FHIT: variants seen among roughly 807,000 people sequenced by gnomAD.
FHIT encodes bis(5'-adenosyl)-triphosphatase.
A neutral mutation model predicts 17.9 loss-of-function variants in FHIT; 19 were observed. That is an observed-to-expected ratio of 1.06 (90% CI 0.74 to 1.56). The LOEUF (loss-of-function observed/expected upper bound fraction) is 1.56, where lower values mean the gene tolerates loss of function less well. Among genes scored for constraint, FHIT ranks in the 40% most tolerant of loss-of-function variants. FHIT has a pLI of 0.00. For missense variants in FHIT, 248 were observed against 189.2 expected, an observed-to-expected ratio of 1.31 and a Z score of -1.82; for synonymous variants, 81 against 69.7, an observed-to-expected ratio of 1.16 and a Z score of -0.81.
At chr3:59,862,352 T>G (rs980629876) in intron 8 of FHIT, among the ~76,000 whole-genome samples, 1 of 152,010 alleles carries the variant, frequency 6.6e-6, no homozygotes, top group Admixed American at 6.6e-5. Flanking sequence ...TCCCACCAGG[T>G]CCCTCCCACG....
At chr3:60,103,112 G>C (rs966760326) in intron 5 of FHIT, among the ~76,000 whole-genome samples, 3 of 152,106 alleles carry the variant, frequency 2.0e-5, no homozygotes, top group African/African-American at 7.2e-5. Flanking sequence ...CAGCTCCTTG[G>C]TCTTTGCACG....
chr3:59,882,984 G>A (rs1228119301), intron 8 of FHIT, among the ~76,000 whole-genome samples: 1 of 152,086 alleles, frequency 6.6e-6, no homozygotes, highest in Admixed American at 6.5e-5. Flanking sequence ...TCCTTACTAG[G>A]TCAGCAAACC....
At chr3:61,036,035 T>C (rs1448265087) in intron 3 of FHIT, among the ~76,000 whole-genome samples, 1 of 152,228 alleles carries the variant, frequency 6.6e-6, no homozygotes, top group Non-Finnish European at 1.5e-5. Flanking sequence ...TATGAAGAAC[T>C]ACCTGAGACT....
chr3:59,761,672 T>A (rs534175426), intron 8 of FHIT, among the ~76,000 whole-genome samples: 1 of 152,090 alleles, frequency 6.6e-6, no homozygotes, highest in South Asian at 2.1e-4. Context: ...AGTGGCATGA[T>A]CTCGGCTCAC....
chr3:60,183,478 T>C (rs1702031103), intron 5 of FHIT, among the ~76,000 whole-genome samples: 1 of 152,128 alleles, frequency 6.6e-6, no homozygotes, highest in African/African-American at 2.4e-5. Context: ...TTTTGTTCAA[T>C]TTGAAGTCAA....
intron 5 of FHIT, among the ~76,000 whole-genome samples, chr3:60,353,131 C>T (rs1165173982): frequency 6.6e-6 from 1 of 152,086 alleles, no homozygotes; most frequent in Non-Finnish European, 1.5e-5. Context: ...TATTATTTTA[C>T]CAACTTCAAC....
chr3:59,889,111 C>T (rs951048944), intron 8 of FHIT, among the ~76,000 whole-genome samples: 47 of 152,178 alleles, frequency 3.1e-4, no homozygotes, highest in African/African-American at 1.1e-3. Context: ...ACTTTGGAAA[C>T]ACATTCAAAC....
chr3:60,084,234 A>T (rs889288608), intron 5 of FHIT, among the ~76,000 whole-genome samples: 1 of 152,174 alleles, frequency 6.6e-6, no homozygotes, highest in African/African-American at 2.4e-5. Context: ...ATTCTTTTGT[A>T]GTCTTTGAAT....
chr3:60,984,072 A>G (rs1240848043), intron 3 of FHIT, among the ~76,000 whole-genome samples: 1 of 152,214 alleles, frequency 6.6e-6, no homozygotes, highest in Non-Finnish European at 1.5e-5. Flanking sequence ...TAGCCCAGAA[A>G]TCAGCGTCTG....
intron 2 of FHIT, among the ~76,000 whole-genome samples, chr3:61,048,815 G>A (rs1353499733): frequency 6.6e-6 from 1 of 152,132 alleles, no homozygotes; most frequent in Non-Finnish European, 1.5e-5. Context: ...ATGAGTTCAT[G>A]TCCTTTGTAG....
intron 8 of FHIT, among the ~76,000 whole-genome samples, chr3:59,894,571 C>G (rs1292074743): frequency 6.7e-6 from 1 of 149,962 alleles, no homozygotes; most frequent in African/African-American, 2.5e-5. Context: ...TGGGACAAGT[C>G]AAATCTACAC....
chr3:60,301,864 C>T (rs1257551408), intron 5 of FHIT, among the ~76,000 whole-genome samples: 1 of 152,100 alleles, frequency 6.6e-6, no homozygotes, highest in African/African-American at 2.4e-5. Context: ...AATAAAAATG[C>T]ACTCATACAT....
chr3:61,024,125 C>G (rs1160176700), intron 3 of FHIT, among the ~76,000 whole-genome samples: 1 of 151,914 alleles, frequency 6.6e-6, no homozygotes, highest in African/African-American at 2.4e-5. Flanking sequence ...AGAGCTTCTG[C>G]TACTCATGAG....
chr3:60,380,899 T>C (rs970798457), intron 5 of FHIT, among the ~76,000 whole-genome samples: 4 of 152,164 alleles, frequency 2.6e-5, no homozygotes, highest in South Asian at 2.1e-4. Context: ...ATCCCAGTAA[T>C]AGTACATCTT....
chr3:59,851,939 A>AT (rs1186562173), intron 8 of FHIT, among the ~76,000 whole-genome samples: 4 of 152,198 alleles, frequency 2.6e-5, no homozygotes, highest in African/African-American at 9.6e-5. Context: ...TGTAGAACTG[A>AT]TTGTAATTTA....
At chr3:59,954,045 G>C (rs1707263984) in intron 7 of FHIT, among the ~76,000 whole-genome samples, 1 of 152,174 alleles carries the variant, frequency 6.6e-6, no homozygotes, top group African/African-American at 2.4e-5. Context: ...GTTGGGAAAT[G>C]GCTCAATCAA....
At chr3:60,101,817 C>A (rs533369810) in intron 5 of FHIT, among the ~76,000 whole-genome samples, 3 of 152,180 alleles carry the variant, frequency 2.0e-5, no homozygotes, top group Admixed American at 6.5e-5. Flanking sequence ...TATCAACCAG[C>A]GCTCTCCCAC....
At chr3:60,454,736 T>C (rs1003341188) in intron 5 of FHIT, among the ~76,000 whole-genome samples, 4 of 152,108 alleles carry the variant, frequency 2.6e-5, no homozygotes, top group African/African-American at 9.7e-5. Context: ...AGGGCCACCA[T>C]TTCTTGTGCA....
chr3:60,616,671 T>C (rs1283004060), intron 4 of FHIT, among the ~76,000 whole-genome samples: 3 of 152,078 alleles, frequency 2.0e-5, no homozygotes, highest in Non-Finnish European at 4.4e-5. Context: ...CTGAAAGAAA[T>C]ACAAAAGATC....
Sources: allele counts gnomAD v4.1 joint callset (sites outside exome capture counted in the v4.1 genomes callset), GRCh38; gene constraint gnomAD v4.1.1; transcripts MANE v1.5; gene names NCBI Gene and HGNC (gene_info 2026-07-23, HGNC 2026-07-21).